Variants in ARHGAP15 observed in about 807,000 individuals in gnomAD.
The protein encoded by ARHGAP15 is Rho GTPase activating protein 15, also known as rho GTPase-activating protein 15.
ARHGAP15 carries 51 observed loss-of-function variants against 63.7 expected under a neutral mutation model. The observed-to-expected ratio is 0.80, with a 90% confidence interval of 0.64 to 1.01. The LOEUF is 1.01. Ranked by LOEUF, ARHGAP15 falls within the 50% of genes least tolerant of loss-of-function variation. ARHGAP15 has a pLI of 0.00. For missense variants in ARHGAP15, 560 were observed against 564.6 expected, an observed-to-expected ratio of 0.99 and a Z score of 0.08; for synonymous variants, 191 against 193.8, an observed-to-expected ratio of 0.99 and a Z score of 0.12.
At position 143,758,523 on chromosome 2, in the gene ARHGAP15, A is replaced by G. The variant is rs540113864; in HGVS notation, c.1245-9466A>G. On this transcript the variant is annotated intron_variant, in intron 13 of 13. Coordinates refer to ENST00000295095, the MANE Select transcript of ARHGAP15 (RefSeq NM_018460.4). ...ACAAACATAAAAGTATACACTCTAAATAGGAAAGAGGGCAGGAGATATTCA... is the reference window on the plus strand; with the variant it reads ...ACAAACATAAAAGTATACACTCTAAGTAGGAAAGAGGGCAGGAGATATTCA... Among the ~76,000 whole-genome samples, 6 of 152,284 alleles carry G rather than the reference A, an allele frequency of 3.9e-5. 1 individual carries two copies. Among genetic ancestry groups the G allele is most frequent in the Middle Eastern group, 3.4e-3 (1 of 294 alleles).
chr2:143,653,283 C>A (rs552926319), intron 12 of ARHGAP15, among the ~76,000 whole-genome samples: 3 of 152,012 alleles, frequency 2.0e-5, no homozygotes, highest in Admixed American at 2.0e-4. Flanking sequence ...TTAGAATTTT[C>A]ATATCTATAT....
chr2:143,470,044 C>T (rs1691442561), intron 8 of ARHGAP15, among the ~76,000 whole-genome samples: 1 of 152,018 alleles, frequency 6.6e-6, no homozygotes, highest in Non-Finnish European at 1.5e-5. Flanking sequence ...TCATTAGTCA[C>T]ACAGGACTCT....
At chr2:143,253,887 G>C (rs959551043) in intron 6 of ARHGAP15, among the ~76,000 whole-genome samples, 3 of 151,994 alleles carry the variant, frequency 2.0e-5, no homozygotes, top group Non-Finnish European at 4.4e-5. Context: ...ATTTATAAAA[G>C]ATCATACAAA....
intron 6 of ARHGAP15, among the ~76,000 whole-genome samples, chr2:143,308,935 C>CAAAAAAAAAAAAAAAAAAAA (rs35757623): frequency 9.3e-6 from 1 of 107,382 alleles, no homozygotes; most frequent in Non-Finnish European, 1.9e-5. Context: ...TCCTGGCAGC[C>CAAAAAAAAAAAAAAAAAAAA]AAAAAAAAAA....
intron 11 of ARHGAP15, among the ~76,000 whole-genome samples, chr2:143,619,579 C>T (rs1485156854): frequency 1.3e-5 from 2 of 152,164 alleles, no homozygotes; most frequent in Non-Finnish European, 2.9e-5. Flanking sequence ...TAGGATTGGA[C>T]TATAACATGT....
chr2:143,154,299 G>T (rs1368227302), intron 1 of ARHGAP15, among the ~76,000 whole-genome samples: 3 of 151,710 alleles, frequency 2.0e-5, no homozygotes, highest in Non-Finnish European at 1.5e-5. Context: ...GGTATTTATT[G>T]TAAAGTAACA....
chr2:143,517,557 C>T (rs996792376), intron 9 of ARHGAP15, among the ~76,000 whole-genome samples: 8 of 152,194 alleles, frequency 5.3e-5, no homozygotes, highest in Non-Finnish European at 1.2e-4. Context: ...TGTGCCAACA[C>T]TGTCTAGGTA....
chr2:143,626,324 G>C (rs533336984), intron 12 of ARHGAP15, among the ~76,000 whole-genome samples: 3 of 152,278 alleles, frequency 2.0e-5, no homozygotes, highest in African/African-American at 7.2e-5. Flanking sequence ...AGAAGAGAGA[G>C]GAGACTTCGT....
intron 9 of ARHGAP15, among the ~76,000 whole-genome samples, chr2:143,507,119 G>A (rs1167355785): frequency 1.3e-5 from 2 of 152,048 alleles, no homozygotes; most frequent in Non-Finnish European, 2.9e-5. Flanking sequence ...ATATCATTTT[G>A]TAGCTTCCTC....
chr2:143,689,905 A>T (rs936748360), intron 12 of ARHGAP15, among the ~76,000 whole-genome samples: 1 of 152,192 alleles, frequency 6.6e-6, no homozygotes, highest in Non-Finnish European at 1.5e-5. Context: ...GGAAATTGCT[A>T]TCTTTAAATG....
chr2:143,667,953 A>G (rs1316706060), intron 12 of ARHGAP15, among the ~76,000 whole-genome samples: 1 of 152,078 alleles, frequency 6.6e-6, no homozygotes, highest in East Asian at 1.9e-4. Context: ...GCACCACTGC[A>G]CTCCAGCCTG....
chr2:143,408,009 A>G (rs1421615026), intron 6 of ARHGAP15, among the ~76,000 whole-genome samples: 17 of 76,302 alleles, frequency 2.2e-4, no homozygotes, highest in South Asian at 9.7e-4. Flanking sequence ...ATATATATAT[A>G]TATATATATA....
intron 6 of ARHGAP15, among the ~76,000 whole-genome samples, chr2:143,378,636 T>C (rs1425479402): frequency 6.6e-6 from 1 of 152,080 alleles, no homozygotes; most frequent in Non-Finnish European, 1.5e-5. Context: ...AACATCTTCC[T>C]AAGCACCATC....
At chr2:143,415,833 A>T (rs982256513) in intron 6 of ARHGAP15, among the ~76,000 whole-genome samples, 7 of 152,222 alleles carry the variant, frequency 4.6e-5, no homozygotes, top group Non-Finnish European at 8.8e-5. Context: ...AGCAACCTGG[A>T]TGAGATTGGA....
At chr2:143,563,305 A>C (rs1399208256) in intron 11 of ARHGAP15, among the ~76,000 whole-genome samples, 1 of 152,234 alleles carries the variant, frequency 6.6e-6, no homozygotes, top group Non-Finnish European at 1.5e-5. Context: ...TGGTAATAGC[A>C]TGATACCAAA....
chr2:143,746,808 A>G (rs1686182525), intron 13 of ARHGAP15, among the ~76,000 whole-genome samples: 1 of 152,236 alleles, frequency 6.6e-6, no homozygotes, highest in South Asian at 2.1e-4. Context: ...TGATCAGAAT[A>G]TGATTCTAAA....
chr2:143,473,575 T>G (rs1691676715), intron 8 of ARHGAP15, among the ~76,000 whole-genome samples: 1 of 152,220 alleles, frequency 6.6e-6, no homozygotes, highest in Non-Finnish European at 1.5e-5. Context: ...CGTGTCTTTC[T>G]CACCATTCAC....
At chr2:143,350,939 A>G (rs1259766178) in intron 6 of ARHGAP15, 1 of 150,240 alleles carries the variant, frequency 6.7e-6, no homozygotes, top group Admixed American at 6.7e-5. Flanking sequence ...GGTTCTCTTT[A>G]TGTATCTTAC....
intron 6 of ARHGAP15, among the ~76,000 whole-genome samples, chr2:143,322,184 T>A (rs6758853): frequency 1.1e-3 from 169 of 152,320 alleles, no homozygotes; most frequent in African/African-American, 3.9e-3. Flanking sequence ...CAGATCTGTA[T>A]CAGAGTTGAG....
Sources: allele counts gnomAD v4.1 joint callset (sites outside exome capture counted in the v4.1 genomes callset), GRCh38; gene constraint gnomAD v4.1.1; transcripts MANE v1.5; gene names NCBI Gene and HGNC (gene_info 2026-07-23, HGNC 2026-07-21).